Variants in TMEM132C observed in about 807,000 individuals in gnomAD.
TMEM132C encodes protein phosphatase 1, regulatory subunit 152.
A neutral mutation model predicts 61.4 loss-of-function variants in TMEM132C; 29 were observed. The ratio of observed to expected loss-of-function variants is 0.47; its 90% confidence interval spans 0.35 to 0.64. TMEM132C has a LOEUF of 0.64. Ranked by LOEUF, TMEM132C falls within the 30% of genes least tolerant of loss-of-function variation. TMEM132C has a pLI of 0.00. For synonymous variants in TMEM132C, 656 were observed against 633.1 expected (o/e 1.04, Z -0.54); for missense variants, 1,408 against 1,476.9 (o/e 0.95, Z 0.76).
At chr12:128,305,219 AATT>A (rs1215807753) in intron 1 of TMEM132C, among the ~76,000 whole-genome samples, 10 of 152,034 alleles carry the variant, frequency 6.6e-5, no homozygotes, top group Non-Finnish European at 1.5e-5. Flanking sequence ...CAATAATAAT[AATT>A]ATTATTATAA....
chr12:128,397,078 T>C (rs1874984131), intron 1 of TMEM132C, among the ~76,000 whole-genome samples: 1 of 152,104 alleles, frequency 6.6e-6, no homozygotes, highest in Non-Finnish European at 1.5e-5. Flanking sequence ...CCACCATACA[T>C]CAGCAGCTGT....
rs147659577 is a variant in TMEM132C, at chr12:128,510,044, T to C, written c.975-33913T>C. ...ATGATGCAGAAAGGTTAGAAATTGT[T>C]CTTAGGGTGTTAACCAACACTCCTG... is the stretch of plus-strand genomic sequence containing the variant. On this transcript the variant is annotated intron_variant, in intron 2 of 8. Transcript: ENST00000435159. 2.0e-5 allele frequency among the ~76,000 whole-genome samples: 3 copies of C among 152,228 alleles called. No homozygotes were observed. In the East Asian group the frequency reaches 5.8e-4, roughly 29 times the overall value.
intron 1 of TMEM132C, among the ~76,000 whole-genome samples, chr12:128,314,677 C>T (rs970062198): frequency 3.9e-5 from 6 of 152,106 alleles, no homozygotes; most frequent in African/African-American, 1.4e-4. Context: ...GAAAAGGGAC[C>T]TTGTGAAGAA....
chr12:128,617,339 G>A (rs573656096), intron 4 of TMEM132C, among the ~76,000 whole-genome samples: 2 of 152,306 alleles, frequency 1.3e-5, no homozygotes, highest in South Asian at 2.1e-4. Flanking sequence ...ACAGCATCAT[G>A]TCCAGCAAGA....
intron 1 of TMEM132C, among the ~76,000 whole-genome samples, chr12:128,285,511 C>T (rs1326662427): frequency 1.3e-5 from 2 of 152,092 alleles, no homozygotes; most frequent in Admixed American, 1.3e-4. Context: ...CAGGTTAACA[C>T]CAGTGTAGGC....
chr12:128,455,446 G>C (rs911897933), intron 2 of TMEM132C, among the ~76,000 whole-genome samples: 1 of 152,188 alleles, frequency 6.6e-6, no homozygotes, highest in African/African-American at 2.4e-5. Flanking sequence ...CAGTATTGTG[G>C]TCCTGAAAGA....
intron 1 of TMEM132C, among the ~76,000 whole-genome samples, chr12:128,358,084 C>A (rs1016733306): frequency 6.6e-6 from 1 of 152,034 alleles, no homozygotes; most frequent in African/African-American, 2.4e-5. Flanking sequence ...GTGAGCCATT[C>A]GAGGTTTGAA....
Position 128,667,146 on chromosome 12 carries a change from AC to A in TMEM132C, c.1306-2268del, listed in dbSNP as rs63352461. Among the ~76,000 whole-genome samples, 1,495 of 152,282 alleles carry A rather than the reference AC, an allele frequency of 9.8e-3. 27 individuals are homozygous for A. Among genetic ancestry groups the A allele is most frequent in the African/African-American group, 0.034 (1,411 of 41,542 alleles). Reference sequence around the variant, plus strand: ...ACATACACATATACATATATGTCCAACCCATCTTAATTTTGGTGGAGTGCAA... The same window carrying A: ...ACATACACATATACATATATGTCCAACCATCTTAATTTTGGTGGAGTGCAA... On this transcript the variant is annotated intron_variant, in intron 4 of 8. Transcript: ENST00000435159.
intron 2 of TMEM132C, among the ~76,000 whole-genome samples, chr12:128,530,760 A>G (rs943787979): frequency 6.6e-6 from 1 of 152,172 alleles, no homozygotes; most frequent in South Asian, 2.1e-4. Context: ...ACACTTCTTT[A>G]TATAGTATTT....
chr12:128,400,209 C>T (rs1875104560), intron 1 of TMEM132C: 1 of 152,272 alleles, frequency 6.6e-6, no homozygotes, highest in South Asian at 2.1e-4. Flanking sequence ...TCTCCCGGGC[C>T]CCTCACTGGG....
At chr12:128,620,120 T>G (rs758342862) in intron 4 of TMEM132C, among the ~76,000 whole-genome samples, 21 of 150,108 alleles carry the variant, frequency 1.4e-4, no homozygotes, top group Admixed American at 1.3e-3. Context: ...TAGACCCAGC[T>G]CCTAGGGAGG....
intron 2 of TMEM132C, among the ~76,000 whole-genome samples, chr12:128,529,985 C>G (rs1402541684): frequency 6.6e-6 from 1 of 152,022 alleles, no homozygotes; most frequent in African/African-American, 2.4e-5. Context: ...TCCCCTCCTA[C>G]CCTTCAATCT....
In TMEM132C at chr12:128,692,667, C is replaced by G. The variant is rs547902399; in HGVS notation, c.1450-1162C>G. ...ACATTTTTTACCGGTCACAGTCCGC[C>G]CAGGTTACCTCTTCAATGGCCCCTC... On this transcript the variant is annotated intron_variant, in intron 5 of 8. Coordinates refer to ENST00000435159, the MANE Select transcript of TMEM132C (RefSeq NM_001136103.3). Among the ~76,000 whole-genome samples the G allele has an allele frequency of 3.9e-5, 6 of 152,280 alleles. No homozygotes were observed. In the South Asian group the frequency reaches 1.2e-3, roughly 32 times the overall value.
At chr12:128,592,692 C>T (rs527884797) in intron 3 of TMEM132C, among the ~76,000 whole-genome samples, 3 of 152,228 alleles carry the variant, frequency 2.0e-5, no homozygotes, top group African/African-American at 4.8e-5. Flanking sequence ...GGAGGGGACA[C>T]GGGCTTAGGG....
rs1954381998 is a variant in TMEM132C, at chr12:128,660,909, G to A, written c.1306-8508G>A. Among the ~76,000 whole-genome samples, 7 of 152,196 alleles carry A rather than the reference G, an allele frequency of 4.6e-5. No individual in the cohort carries two copies. The South Asian group carries it at 1.5e-3, about 32-fold the overall frequency. On this transcript the variant is annotated intron_variant, in intron 4 of 8. Coordinates refer to ENST00000435159, the MANE Select transcript of TMEM132C (RefSeq NM_001136103.3). ...AGAAACAAGATGAGGAGGGAGGTAGGTAGGTAGGTAGATAGACAGATAGAC... is the reference window on the plus strand; with the variant it reads ...AGAAACAAGATGAGGAGGGAGGTAGATAGGTAGGTAGATAGACAGATAGAC...
chr12:128,470,973 C>T (rs1417033107), intron 2 of TMEM132C, among the ~76,000 whole-genome samples: 1 of 152,186 alleles, frequency 6.6e-6, no homozygotes. Context: ...ACTCTTCTTT[C>T]ATAGATCATG....
intron 1 of TMEM132C, among the ~76,000 whole-genome samples, chr12:128,369,640 ACT>A (rs766364199): frequency 6.6e-6 from 1 of 152,054 alleles, no homozygotes; most frequent in African/African-American, 2.4e-5. Context: ...TGAATAAAAG[ACT>A]CCACAGTTAT....
intron 1 of TMEM132C, among the ~76,000 whole-genome samples, chr12:128,355,669 G>A (rs900237889): frequency 1.3e-5 from 2 of 151,796 alleles, no homozygotes; most frequent in African/African-American, 4.8e-5. Flanking sequence ...CACCTCCCCT[G>A]ACCCTCTTCC....
At chr12:128,332,899 C>T (rs866492911) in intron 1 of TMEM132C, among the ~76,000 whole-genome samples, 1 of 152,304 alleles carries the variant, frequency 6.6e-6, no homozygotes, top group Middle Eastern at 3.4e-3. Flanking sequence ...CCTGTAGAGA[C>T]CTCCACCCTC....
Sources: allele counts gnomAD v4.1 joint callset (sites outside exome capture counted in the v4.1 genomes callset), GRCh38; gene constraint gnomAD v4.1.1; transcripts MANE v1.5; gene names NCBI Gene and HGNC (gene_info 2026-07-23, HGNC 2026-07-21).